Variants in SHISAL2A observed in about 807,000 individuals in gnomAD.
SHISAL2A encodes protein shisa-like-2A.
SHISAL2A carries 18 observed loss-of-function variants against 11.5 expected under a neutral mutation model. The observed-to-expected ratio is 1.57, with a 90% CI of 1.08 to 2.33. The LOEUF (loss-of-function observed/expected upper bound fraction) is 2.33, where lower values mean the gene tolerates loss of function less well. Ranked by LOEUF, SHISAL2A falls within the 30% of genes most tolerant of loss-of-function variation. SHISAL2A has a pLI of 0.00. For missense variants in SHISAL2A, 261 were observed against 250.9 expected (o/e 1.04, Z -0.27); for synonymous variants, 94 against 99.6 (o/e 0.94, Z 0.34).
chr1:52,658,951 G>A (rs1420941230), downstream of SHISAL2A, among the ~76,000 whole-genome samples: 1 of 152,214 alleles, frequency 6.6e-6, no homozygotes, highest in Non-Finnish European at 1.5e-5. Flanking sequence ...GACAGGGTGA[G>A]TCACCCACAG....
Position 52,633,476 on chromosome 1 carries a change from G to GGCTGGGC in SHISAL2A, c.-15_-9dup. 1 of 1,473,506 alleles carries GGCTGGGC rather than the reference G, an allele frequency of 6.8e-7. No homozygotes were observed. The highest frequency in any genetic ancestry group is 8.9e-7 in the Non-Finnish European group (1 of 1,120,058). The allele number at this position is 1,473,506 out of a possible 1,614,324, so 91.3% of individuals were successfully genotyped here. A position where few individuals can be genotyped will look rare whatever the true frequency, so the allele number is the denominator to read the frequency against. ...CGTCTGGTGGCCCGAGGTGGCGGCG[G>GGCTGGGC]GCTGGGCGCGGGGCGCGATGAGCGG... On this transcript the variant is annotated 5_prime_UTR_variant, in exon 1 of 3. Coordinates refer to ENST00000517870, the MANE Select transcript of SHISAL2A (RefSeq NM_001042693.3). The surrounding 1 kb of genome is among the most constrained non-coding windows in gnomAD (Gnocchi z 6.4).
intron 2 of SHISAL2A, among the ~76,000 whole-genome samples, chr1:52,650,949 C>CT (rs779523487): frequency 0.065 from 8,915 of 138,196 alleles, 822 homozygotes; most frequent in African/African-American, 0.21. Flanking sequence ...CTGGCCTAAC[C>CT]TTTTTTTTTT....
chr1:52,633,967 A>T lies in SHISAL2A; in HGVS notation c.182+292A>T, dbSNP rs1339481665. Among the ~76,000 whole-genome samples, 4 of 151,414 alleles carry T rather than the reference A, an allele frequency of 2.6e-5. No homozygotes were observed. Among genetic ancestry groups the T allele is most frequent in the African/African-American group, 9.7e-5 (4 of 41,152 alleles). ...TCATTCCATCACCACCCTCATCCCA[A>T]CCCCAAATCACATATCAAGCCTCCC... On this transcript the variant is annotated intron_variant, in intron 1 of 2. Transcript: ENST00000517870. The surrounding 1 kb of genome is among the most constrained non-coding windows in gnomAD (Gnocchi z 6.4).
At chr1:52,667,418 C>T in exon 5 of SHISAL2A, 2 of 984,120 alleles carry the variant, frequency 2.0e-6, no homozygotes, top group Non-Finnish European at 2.4e-6. Flanking sequence ...AACTTCCTGG[C>T]AACAACCACA....
intron 4 of SHISAL2A, among the ~76,000 whole-genome samples, chr1:52,665,528 C>A (rs1691994647): frequency 6.6e-6 from 1 of 152,220 alleles, no homozygotes; most frequent in Non-Finnish European, 1.5e-5. Flanking sequence ...CTTCCTCCAA[C>A]CAGCCCTCCC....
chr1:52,637,755 G>A (rs529708824), intron 1 of SHISAL2A, among the ~76,000 whole-genome samples: 26 of 152,306 alleles, frequency 1.7e-4, no homozygotes, highest in African/African-American at 6.3e-4. Context: ...CAGCTTAAAT[G>A]TGGCAGAACC....
At chr1:52,634,240 A>G (rs959638278) in intron 1 of SHISAL2A, among the ~76,000 whole-genome samples, 1 of 152,078 alleles carries the variant, frequency 6.6e-6, no homozygotes, top group African/African-American at 2.4e-5. Context: ...ATCTACATCC[A>G]AACCTCAACC....
At chr1:52,648,789 C>A (rs1691561514) in intron 2 of SHISAL2A, among the ~76,000 whole-genome samples, 1 of 152,140 alleles carries the variant, frequency 6.6e-6, no homozygotes, top group African/African-American at 2.4e-5. Context: ...TAGAGCAGGA[C>A]TGTGGGATGT....
chr1:52,633,489 G>A lies in SHISAL2A; in HGVS notation c.-5G>A. On this transcript the variant is annotated 5_prime_UTR_variant, in exon 1 of 3. Coordinates refer to ENST00000517870, the MANE Select transcript of SHISAL2A (RefSeq NM_001042693.3). This position sits in a 1 kb window ranked among gnomAD's most constrained non-coding sequence, Gnocchi z 6.4. Reference sequence around the variant, plus strand: ...GAGGTGGCGGCGGGCTGGGCGCGGGGCGCGATGAGCGGCGCCTGCACGAGC... The same window carrying A: ...GAGGTGGCGGCGGGCTGGGCGCGGGACGCGATGAGCGGCGCCTGCACGAGC... 6.7e-7 allele frequency: 1 copy of A among 1,494,302 alleles called. No individual in the cohort carries two copies. Among genetic ancestry groups the A allele is most frequent in the Non-Finnish European group, 8.9e-7 (1 of 1,128,460 alleles). The allele number at this position is 1,494,302 out of a possible 1,614,324, so 92.6% of individuals were successfully genotyped here.
At chr1:52,650,875 C>T (rs1691625466) in intron 2 of SHISAL2A, among the ~76,000 whole-genome samples, 1 of 151,722 alleles carries the variant, frequency 6.6e-6, no homozygotes, top group East Asian at 1.9e-4. Flanking sequence ...GAACTCCTGA[C>T]CCCAGGTGAT....
At chr1:52,643,152 A>T in intron 2 of SHISAL2A, 150 bp downstream of exon 2, 1 of 722,902 alleles carries the variant, frequency 1.4e-6, no homozygotes, top group Admixed American at 3.0e-5. Flanking sequence ...GAGATTCGTG[A>T]TCTAAACATT....
At chr1:52,637,037 C>T (rs1390684313) in intron 1 of SHISAL2A, among the ~76,000 whole-genome samples, 1 of 152,180 alleles carries the variant, frequency 6.6e-6, no homozygotes, top group East Asian at 1.9e-4. Context: ...GTCTTGTGGT[C>T]CCTTCCGTTG....
In SHISAL2A at chr1:52,639,320, C is replaced by A. The variant is rs561298916; in HGVS notation, c.183-3543C>A. 1.1e-3 allele frequency among the ~76,000 whole-genome samples: 173 copies of A among 152,152 alleles called. 3 individuals are homozygous for A. Among genetic ancestry groups the A allele is most frequent in the Non-Finnish European group, 3.1e-4 (21 of 68,036 alleles). On this transcript the variant is annotated intron_variant, in intron 1 of 2. Coordinates refer to ENST00000517870, the MANE Select transcript of SHISAL2A (RefSeq NM_001042693.3). Reference sequence around the variant, plus strand: ...AGTTGGTGTATCTCCATCAACCTTGCATGTGTACATGTGTATAGTTATGCA... The same window carrying A: ...AGTTGGTGTATCTCCATCAACCTTGAATGTGTACATGTGTATAGTTATGCA...
chr1:52,647,857 A>AAAAAAGAT (rs1219799081), intron 2 of SHISAL2A, among the ~76,000 whole-genome samples: 1 of 151,592 alleles, frequency 6.6e-6, no homozygotes, highest in Non-Finnish European at 1.5e-5. Flanking sequence ...AAAAAAAAGA[A>AAAAAAGAT]AAAAAGAAAA....
intron 1 of SHISAL2A, among the ~76,000 whole-genome samples, chr1:52,634,635 T>C (rs1246193642): frequency 6.6e-6 from 1 of 152,206 alleles, no homozygotes; most frequent in African/African-American, 2.4e-5. Flanking sequence ...CCAAAGGCCT[T>C]ACCTGGAGAA....
At chr1:52,666,223 G>C (rs914652130) in intron 4 of SHISAL2A, among the ~76,000 whole-genome samples, 5 of 152,154 alleles carry the variant, frequency 3.3e-5, no homozygotes, top group Admixed American at 3.3e-4. Context: ...CGACTGAGAC[G>C]GGGGGATCAC....
chr1:52,659,755 G>A (rs914608676), downstream of SHISAL2A, among the ~76,000 whole-genome samples: 1 of 152,218 alleles, frequency 6.6e-6, no homozygotes, highest in African/African-American at 2.4e-5. Flanking sequence ...CGCTCTGTGC[G>A]ACCCTTCACA....
At chr1:52,663,712 G>C (rs1440380661) in intron 4 of SHISAL2A, among the ~76,000 whole-genome samples, 1 of 152,138 alleles carries the variant, frequency 6.6e-6, no homozygotes, top group Admixed American at 6.5e-5. Flanking sequence ...AGTGAGCTGA[G>C]ACTGCATCAT....
At chr1:52,643,168 C>T (rs1235223355) in intron 2 of SHISAL2A, among the ~76,000 whole-genome samples, 166 bp downstream of exon 2, 1 of 152,176 alleles carries the variant, frequency 6.6e-6, no homozygotes, top group Non-Finnish European at 1.5e-5. Flanking sequence ...ACATTTCCAT[C>T]CTAAACTCTT....
Sources: gnomAD v4.1 joint callset for allele counts (sites outside exome capture counted in the v4.1 genomes callset) on GRCh38, gnomAD v4.1.1 for gene constraint, Gnocchi (gnomAD v3.1) non-coding constraint, MANE v1.5 for transcripts, NCBI Gene and HGNC (gene_info 2026-07-23, HGNC 2026-07-21) for gene names.